KANSL1: variants seen among roughly 807,000 people sequenced by gnomAD.
KANSL1 encodes KAT8 regulatory NSL complex subunit 1.
In KANSL1, 22 loss-of-function variants were observed where a neutral mutation model predicts 103.6. The ratio of observed to expected loss-of-function variants is 0.21; its 90% confidence interval spans 0.15 to 0.30. The LOEUF (loss-of-function observed/expected upper bound fraction) is 0.30. KANSL1 is among the 10% of genes least tolerant of loss of function. The pLI, the probability that KANSL1 is intolerant of heterozygous loss-of-function variation, is 1.00. For missense variants in KANSL1, 1,337 were observed against 1,399.8 expected (o/e 0.96, Z 0.72); for synonymous variants, 600 against 527.6 (o/e 1.14, Z -1.88).
At chr17:46,055,430 A>C (rs1039506763) in intron 6 of KANSL1, among the ~76,000 whole-genome samples, 6 of 150,948 alleles carry the variant, frequency 4.0e-5, no homozygotes, top group African/African-American at 1.5e-4. Flanking sequence ...GCACCACTGC[A>C]CTCCAGCCTG....
chr17:46,225,356 A>T (rs2048654746), upstream of KANSL1: 1 of 153,184 alleles, frequency 6.5e-6, no homozygotes, highest in African/African-American at 2.4e-5. Flanking sequence ...CGGTTCAACC[A>T]AGCCTAGAAG....
chr17:46,143,502 AAAT>A (rs1355146373), intron 2 of KANSL1, among the ~76,000 whole-genome samples: 6 of 111,844 alleles, frequency 5.4e-5, no homozygotes, highest in African/African-American at 8.0e-5. Context: ...CTCAAAAAAT[AAAT>A]AAATAAATAA....
chr17:46,186,781 T>G (rs1417401381), intron 1 of KANSL1, among the ~76,000 whole-genome samples: 3 of 152,186 alleles, frequency 2.0e-5, no homozygotes, highest in Non-Finnish European at 4.4e-5. Context: ...CAGGCTGGAG[T>G]GCAGTGGTGC....
At chr17:46,044,797 G>A (rs983659242) in intron 7 of KANSL1, 2 of 152,084 alleles carry the variant, frequency 1.3e-5, no homozygotes, top group Admixed American at 6.6e-5. Context: ...GTCAAGGTGC[G>A]AGGCACAACT....
chr17:46,056,861 A>G (rs985567654), intron 6 of KANSL1, among the ~76,000 whole-genome samples: 1 of 152,256 alleles, frequency 6.6e-6, no homozygotes, highest in African/African-American at 2.4e-5. Context: ...TGTGGGGCAC[A>G]GTCCTGTGCA....
chr17:46,102,810 C>T (rs1369658416), intron 2 of KANSL1, among the ~76,000 whole-genome samples: 1 of 152,146 alleles, frequency 6.6e-6, no homozygotes, highest in Non-Finnish European at 1.5e-5. Context: ...AGAACTGTGG[C>T]TAAAGTTTAC....
intron 3 of KANSL1, among the ~76,000 whole-genome samples, chr17:46,087,815 A>G (rs1411344542): frequency 6.6e-6 from 1 of 152,192 alleles, no homozygotes; most frequent in African/African-American, 2.4e-5. Context: ...TATTTCGGAT[A>G]AAGTTTACTC....
chr17:46,033,824 C>T (rs1479649389), intron 11 of KANSL1, among the ~76,000 whole-genome samples: 1 of 152,182 alleles, frequency 6.6e-6, no homozygotes, highest in African/African-American at 2.4e-5. Context: ...TGTTTGGCAA[C>T]AAAAGCTGGA....
chr17:46,131,656 G>T (rs1487155917), intron 2 of KANSL1, among the ~76,000 whole-genome samples: 1 of 152,158 alleles, frequency 6.6e-6, no homozygotes, highest in East Asian at 1.9e-4. Flanking sequence ...ACATCCTCAA[G>T]AAGCTTATAA....
At chr17:46,127,203 C>T (rs1246962506) in intron 2 of KANSL1, among the ~76,000 whole-genome samples, 2 of 152,206 alleles carry the variant, frequency 1.3e-5, no homozygotes, top group East Asian at 3.9e-4. Context: ...CCAAGCACAG[C>T]TTGAAGCAGC....
intron 4 of KANSL1, among the ~76,000 whole-genome samples, chr17:46,077,224 G>T (rs1293257386): frequency 6.6e-6 from 1 of 152,050 alleles, no homozygotes; most frequent in Non-Finnish European, 1.5e-5. Flanking sequence ...GCTCATTTTT[G>T]TATTTTTTTG....
At chr17:46,177,331 G>A (rs1245956197) in intron 1 of KANSL1, among the ~76,000 whole-genome samples, 1 of 124,808 alleles carries the variant, frequency 8.0e-6, no homozygotes, top group Admixed American at 8.5e-5. Context: ...AATGCACCTA[G>A]TTTGCAATTA....
intron 2 of KANSL1, among the ~76,000 whole-genome samples, chr17:46,150,684 T>G (rs1176303061): frequency 6.6e-6 from 1 of 152,164 alleles, no homozygotes; most frequent in African/African-American, 2.4e-5. Context: ...CCTTCAAAAA[T>G]TAGTCTCCAT....
intron 2 of KANSL1, among the ~76,000 whole-genome samples, chr17:46,164,618 T>C (rs1428536984): frequency 2.0e-5 from 3 of 152,246 alleles, no homozygotes; most frequent in Non-Finnish European, 4.4e-5. Context: ...ATGAAGGCAT[T>C]AGAAGAACCA....
At chr17:46,160,276 C>G (rs2045661891) in intron 2 of KANSL1, among the ~76,000 whole-genome samples, 1 of 152,118 alleles carries the variant, frequency 6.6e-6, no homozygotes, top group South Asian at 2.1e-4. Flanking sequence ...GTTAGTCTGC[C>G]CTAGCAAAAT....
chr17:46,147,003 G>C (rs1312972544), intron 2 of KANSL1, among the ~76,000 whole-genome samples: 3 of 152,128 alleles, frequency 2.0e-5, no homozygotes, highest in Admixed American at 2.0e-4. Flanking sequence ...AGCCCAGCCT[G>C]AGCAACACAG....
At chr17:46,046,315 C>T (rs1392386841) in intron 7 of KANSL1, among the ~76,000 whole-genome samples, 1 of 151,816 alleles carries the variant, frequency 6.6e-6, no homozygotes, top group African/African-American at 2.4e-5. Context: ...GGGTAGATCG[C>T]TTGGGCCCAA....
Position 46,171,372 on chromosome 17 carries a change from A to T in KANSL1, c.772T>A (p.Leu258Met), listed in dbSNP as rs781496064. 6.2e-7 allele frequency: 1 copy of T among 1,614,162 alleles called. No homozygotes were observed. Among genetic ancestry groups the T allele is most frequent in the South Asian group, 1.1e-5 (1 of 91,084 alleles). Reference protein sequence around the residue: ...LSPGTDSSSNLGGVKLEGKKS... With the variant: ...LSPGTDSSSNMGGVKLEGKKS... ...TTACCCTCCAATTTGACACCCCCCAAGTTAGAGCTGGAGTCTGTACCAGGT... is the reference window on the plus strand; with the variant it reads ...TTACCCTCCAATTTGACACCCCCCATGTTAGAGCTGGAGTCTGTACCAGGT... Residue 258 changes from leucine to methionine, a missense_variant, in exon 2 of 15, where the codon TTG becomes ATG. Physicochemically the swap from Leu to Met is conservative, Grantham distance 15. Coordinates refer to ENST00000432791, the MANE Select transcript of KANSL1 (RefSeq NM_015443.4).
At chr17:46,039,933 C>T in intron 7 of KANSL1, 49 bp from the exon 8 acceptor site, 1 of 1,568,080 alleles carries the variant, frequency 6.4e-7, no homozygotes, top group South Asian at 1.1e-5. Flanking sequence ...CCTGGCCTCT[C>T]TAGTGTTCAA....
Sources: gnomAD v4.1 joint callset for allele counts (sites outside exome capture counted in the v4.1 genomes callset) on GRCh38, gnomAD v4.1.1 for gene constraint, MANE v1.5 for transcripts, NCBI Gene and HGNC (gene_info 2026-07-23, HGNC 2026-07-21) for gene names.